PATJ: variants seen among roughly 807,000 people sequenced by gnomAD.
The protein encoded by PATJ is inaD-like protein.
A neutral mutation model predicts 224.9 loss-of-function variants in PATJ; 190 were observed. The ratio of observed to expected loss-of-function variants is 0.84; its 90% CI spans 0.75 to 0.95. The LOEUF (loss-of-function observed/expected upper bound fraction) is 0.95. Ranked by LOEUF, PATJ falls within the 40% of genes least tolerant of loss-of-function variation. The pLI, the probability that PATJ is intolerant of heterozygous loss-of-function variation, is 0.00. For synonymous variants in PATJ, 769 were observed against 820.3 expected (o/e 0.94, Z 1.07); for missense variants, 2,121 against 2,270.3 (o/e 0.93, Z 1.34).
At chr1:61,932,704 A>G (rs1030494590) in intron 27 of PATJ, among the ~76,000 whole-genome samples, 1 of 152,196 alleles carries the variant, frequency 6.6e-6, no homozygotes, top group Non-Finnish European at 1.5e-5. Context: ...GTTCAAGACC[A>G]GCCTGGCCAA....
intron 14 of PATJ, among the ~76,000 whole-genome samples, chr1:61,812,435 T>TGA (rs1655059502): frequency 1.7e-5 from 1 of 58,842 alleles, no homozygotes; most frequent in African/African-American, 6.3e-5. Context: ...AGAGAGAGAG[T>TGA]GTGTGTGTGT....
At chr1:62,061,999 AC>A (rs1322744990) in intron 31 of PATJ, among the ~76,000 whole-genome samples, 1 of 152,198 alleles carries the variant, frequency 6.6e-6, no homozygotes, top group Non-Finnish European at 1.5e-5. Flanking sequence ...GTTGATGGGC[AC>A]CCAGGTTGAT....
At chr1:61,841,304 G>GCTAA (rs1020090216) in intron 17 of PATJ, among the ~76,000 whole-genome samples, 9 of 152,238 alleles carry the variant, frequency 5.9e-5, no homozygotes, top group African/African-American at 2.2e-4. Context: ...TTGAGTAAAT[G>GCTAA]CTAATATCAG....
chr1:62,134,879 C>T (rs1282548861), intron 41 of PATJ, among the ~76,000 whole-genome samples: 1 of 152,092 alleles, frequency 6.6e-6, no homozygotes, highest in Non-Finnish European at 1.5e-5. Flanking sequence ...GGGAACAAAT[C>T]AGCACAGTTA....
At chr1:61,823,643 G>A (rs1657684652) in intron 15 of PATJ, among the ~76,000 whole-genome samples, 1 of 152,202 alleles carries the variant, frequency 6.6e-6, no homozygotes, top group South Asian at 2.1e-4. Context: ...GTTCTCCCAA[G>A]TGTTAGGATA....
At chr1:61,809,175 C>G (rs779273366) in intron 14 of PATJ, among the ~76,000 whole-genome samples, 87 of 152,074 alleles carry the variant, frequency 5.7e-4, no homozygotes, top group Non-Finnish European at 1.1e-3. Context: ...TTTTTAGCAT[C>G]CTGTCACTAA....
chr1:61,979,964 T>C (rs1251157107), intron 27 of PATJ, among the ~76,000 whole-genome samples: 1 of 152,064 alleles, frequency 6.6e-6, no homozygotes, highest in Admixed American at 6.5e-5. Context: ...GAAGGTCTTA[T>C]CACCTGCTTC....
chr1:61,813,173 A>C (rs1159286033), intron 14 of PATJ, among the ~76,000 whole-genome samples: 1 of 151,566 alleles, frequency 6.6e-6, no homozygotes, highest in African/African-American at 2.4e-5. Flanking sequence ...AATAAGTAAA[A>C]GACAGCAAGG....
At chr1:61,975,990 A>AT (rs780831448) in intron 27 of PATJ, among the ~76,000 whole-genome samples, 21 of 151,676 alleles carry the variant, frequency 1.4e-4, no homozygotes, top group Non-Finnish European at 2.4e-4. Flanking sequence ...TTTGCCTCTA[A>AT]TTTTTTCTCC....
intron 41 of PATJ, among the ~76,000 whole-genome samples, chr1:62,132,556 A>G (rs1666370223): frequency 6.6e-6 from 1 of 152,088 alleles, no homozygotes; most frequent in Non-Finnish European, 1.5e-5. Context: ...TAATGGGGGT[A>G]AAGGAGCAAG....
intron 29 of PATJ, among the ~76,000 whole-genome samples, chr1:62,032,096 T>G (rs2148480899): frequency 1.3e-5 from 2 of 152,204 alleles, no homozygotes; most frequent in South Asian, 4.2e-4. Context: ...ATGGCTCAGT[T>G]CTCTGCCCAG....
chr1:62,050,144 T>G (rs1239089344), intron 30 of PATJ, among the ~76,000 whole-genome samples: 3 of 149,704 alleles, frequency 2.0e-5, no homozygotes, highest in Non-Finnish European at 4.4e-5. Context: ...AAAAATTCAT[T>G]TATTAAATTT....
chr1:61,935,821 G>A (rs139527648), intron 27 of PATJ, among the ~76,000 whole-genome samples: 47 of 151,652 alleles, frequency 3.1e-4, no homozygotes, highest in African/African-American at 7.7e-4. Flanking sequence ...TGTACTGCCC[G>A]ATGCAAATAA....
intron 27 of PATJ, among the ~76,000 whole-genome samples, chr1:61,953,577 ACTGT>A (rs1680024913): frequency 6.6e-6 from 1 of 152,216 alleles, no homozygotes. Flanking sequence ...TGTAGTGACA[ACTGT>A]CTGACTATAT....
At chr1:62,050,757 G>A (rs1653453990) in intron 30 of PATJ, among the ~76,000 whole-genome samples, 1 of 152,156 alleles carries the variant, frequency 6.6e-6, no homozygotes, top group Non-Finnish European at 1.5e-5. Flanking sequence ...TTTCCCTAAG[G>A]CCTATCTGTG....
intron 43 of PATJ, among the ~76,000 whole-genome samples, chr1:62,159,438 T>G (rs925793637): frequency 5.3e-5 from 8 of 152,168 alleles, no homozygotes; most frequent in African/African-American, 1.9e-4. Flanking sequence ...GTGATCCTCC[T>G]GCCTTGACCA....
At chr1:61,746,586 A>G (rs974230813) in intron 1 of PATJ, among the ~76,000 whole-genome samples, 3 of 152,254 alleles carry the variant, frequency 2.0e-5, no homozygotes, top group Admixed American at 1.3e-4. Context: ...ATCATGGATG[A>G]AAACCAATAT....
chr1:61,807,182 A>G (rs990747946), intron 13 of PATJ, among the ~76,000 whole-genome samples: 4 of 152,024 alleles, frequency 2.6e-5, no homozygotes, highest in Non-Finnish European at 4.4e-5. Flanking sequence ...AAAAACAAAA[A>G]AACATTTTTT....
At chr1:62,002,976 A>G (rs1460411675) in intron 28 of PATJ, among the ~76,000 whole-genome samples, 1 of 152,172 alleles carries the variant, frequency 6.6e-6, no homozygotes, top group African/African-American at 2.4e-5. Flanking sequence ...GGTAGCATAT[A>G]TCAATGTTCT....
Sources: gnomAD v4.1 joint callset for allele counts (sites outside exome capture counted in the v4.1 genomes callset) on GRCh38, gnomAD v4.1.1 for gene constraint, MANE v1.5 for transcripts, NCBI Gene and HGNC (gene_info 2026-07-23, HGNC 2026-07-21) for gene names.